PLSCR5: variants seen among roughly 807,000 people sequenced by gnomAD.
PLSCR5 encodes phospholipid scramblase family, member 5.
PLSCR5 carries 44 observed loss-of-function variants against 33.6 expected under a neutral mutation model. The ratio of observed to expected loss-of-function variants is 1.31; its 90% CI spans 1.03 to 1.69. The LOEUF is 1.69. Ranked by LOEUF, PLSCR5 falls within the 40% of genes most tolerant of loss-of-function variation. The pLI is 0.00. For missense variants in PLSCR5, 375 were observed against 318.7 expected (o/e 1.18, Z -1.34); for synonymous variants, 148 against 112.3 (o/e 1.32, Z -2.01).
chr3:146,592,674 T>G (rs894881064), intron 4 of PLSCR5, among the ~76,000 whole-genome samples: 2 of 152,136 alleles, frequency 1.3e-5, no homozygotes, highest in African/African-American at 4.8e-5. Flanking sequence ...TAAAAGTGAT[T>G]TCAACTAGAC....
chr3:146,601,233 T>TCCC (rs2044812402), intron 1 of PLSCR5, among the ~76,000 whole-genome samples: 2 of 151,990 alleles, frequency 1.3e-5, no homozygotes, highest in African/African-American at 4.8e-5. Context: ...CTGTGTAATT[T>TCCC]TATGTATAAC....
chr3:146,586,399 A>C (rs1051454346), intron 6 of PLSCR5, among the ~76,000 whole-genome samples: 1 of 152,190 alleles, frequency 6.6e-6, no homozygotes, highest in Non-Finnish European at 1.5e-5. Context: ...AAAATTTAAA[A>C]ATTTTAAGCT....
chr3:146,591,734 C>A lies in PLSCR5; in HGVS notation c.601G>T (p.Asp201Tyr). ...GPCVTCGCFG[D>Y]VDFEVKTINE... The stretch of plus-strand genomic sequence containing the variant: ...GTCAATTGTACCTCAAAATCCACAT[C>A]GCCAAAACAGCCACATGTCACACAA... The change falls in exon 5 of 8, where the codon GAT becomes TAT. Residue 201 changes from aspartate to tyrosine, a missense_variant. Transcript: ENST00000443512. 6.2e-7 allele frequency: 1 copy of A among 1,609,896 alleles called. No individual in the cohort carries two copies.
intron 6 of PLSCR5, among the ~76,000 whole-genome samples, chr3:146,588,074 A>T (rs2044679592): frequency 1.3e-5 from 2 of 152,152 alleles, no homozygotes; most frequent in Admixed American, 6.5e-5. Flanking sequence ...TTTAAGCTTT[A>T]TAAAAATTTC....
downstream of PLSCR5, among the ~76,000 whole-genome samples, chr3:146,583,487 G>A (rs1465243397): frequency 6.6e-6 from 1 of 152,132 alleles, no homozygotes; most frequent in East Asian, 1.9e-4. Context: ...ATCAGTCCTG[G>A]TCTAGAGCTG....
downstream of PLSCR5, chr3:146,585,803 C>T (rs1442899801): frequency 1.6e-5 from 4 of 245,674 alleles, no homozygotes; most frequent in Non-Finnish European, 1.5e-5. Flanking sequence ...CCAGTAATCA[C>T]GTATTTAGCT....
intron 4 of PLSCR5, 80 bp from the exon 5 acceptor site, chr3:146,591,961 A>G: frequency 8.5e-7 from 1 of 1,182,682 alleles, no homozygotes; most frequent in Non-Finnish European, 1.2e-6. Context: ...ATTTACCTGT[A>G]AACAATATAC....
At chr3:146,600,651 G>A (rs979460907) in intron 1 of PLSCR5, among the ~76,000 whole-genome samples, 188 bp from the exon 2 acceptor site, 4 of 151,778 alleles carry the variant, frequency 2.6e-5, no homozygotes, top group South Asian at 4.2e-4. Context: ...AAAACGAAAC[G>A]CAGAAGACTG....
rs1419461725 is a variant in PLSCR5, at chr3:146,594,143, A to T, written c.233-3T>A. ...GGAGGTCTCAGTACCAAGTATCACT[A>T]ATGGAACAAAAAAAAAATTATAAAA... On this transcript the variant is annotated splice_polypyrimidine_tract_variant and splice_region_variant and intron_variant, in intron 3 of 7. Coordinates refer to ENST00000443512, the MANE Select transcript of PLSCR5 (RefSeq NM_001085420.2). The T allele has an allele frequency of 1.3e-6, 2 of 1,582,338 alleles. No individual in the cohort carries two copies. Among genetic ancestry groups the T allele is most frequent in the African/African-American group, 2.9e-5 (2 of 68,476 alleles).
downstream of PLSCR5, among the ~76,000 whole-genome samples, chr3:146,584,719 T>C (rs138367689): frequency 6.3e-3 from 962 of 152,224 alleles, 7 homozygotes; most frequent in African/African-American, 0.022. Context: ...ATTTTTATGT[T>C]ATACAGCATA....
chr3:146,596,594 ATT>A (rs2044763545), intron 2 of PLSCR5, among the ~76,000 whole-genome samples: 1 of 152,108 alleles, frequency 6.6e-6, no homozygotes, highest in South Asian at 2.1e-4. Flanking sequence ...CTAACGCTTC[ATT>A]TTTCCTTTCA....
chr3:146,601,874 A>T (rs964403667), intron 1 of PLSCR5, among the ~76,000 whole-genome samples: 1 of 152,064 alleles, frequency 6.6e-6, no homozygotes. Flanking sequence ...AAGAAAACTC[A>T]AGCATATTCT....
chr3:146,589,371 G>A (rs1005597702), intron 6 of PLSCR5, among the ~76,000 whole-genome samples: 2 of 152,010 alleles, frequency 1.3e-5, no homozygotes, highest in African/African-American at 2.4e-5. Flanking sequence ...TAAATTGAAC[G>A]TAAAAGCAAG....
At chr3:146,600,776 A>C (rs2044807160) in intron 1 of PLSCR5, among the ~76,000 whole-genome samples, 1 of 149,792 alleles carries the variant, frequency 6.7e-6, no homozygotes, top group African/African-American at 2.4e-5. Flanking sequence ...ATATATACTT[A>C]CTGCATATAT....
chr3:146,593,312 A>T (rs1320897178), intron 4 of PLSCR5, among the ~76,000 whole-genome samples: 1 of 152,184 alleles, frequency 6.6e-6, no homozygotes, highest in Non-Finnish European at 1.5e-5. Flanking sequence ...AAGCCAGTAA[A>T]GTAAGTAAAA....
intron 7 of PLSCR5, among the ~76,000 whole-genome samples, chr3:146,579,975 C>T (rs957373379): frequency 2.0e-5 from 3 of 152,208 alleles, no homozygotes; most frequent in African/African-American, 7.2e-5. Flanking sequence ...GGAATGTTCT[C>T]CCAGCCAAAC....
Position 146,589,668 on chromosome 3 carries a change from A to T in PLSCR5, c.762T>A (p.Gly254=), listed in dbSNP as rs919261359. The change falls in exon 6 of 8, where the codon GGT becomes GGA. Residue 254 remains glycine (G), a synonymous_variant. Transcript: ENST00000443512. ...CCATACTTACAAAGAGAAAACAGGC[A>T]CCGATCATTGCTGCTTTGACTGTTA... ...LDVTVKAAMI[G]ACFLFDFMFF... The T allele has an allele frequency of 1.3e-6, 2 of 1,589,290 alleles. No homozygotes were observed.
intron 4 of PLSCR5, 53 bp downstream of exon 4, chr3:146,593,867 A>G: frequency 1.3e-6 from 2 of 1,532,000 alleles, no homozygotes; most frequent in Admixed American, 3.4e-5. Flanking sequence ...CCTTTTAAAG[A>G]AACAAATGCT....
intron 2 of PLSCR5, among the ~76,000 whole-genome samples, chr3:146,598,187 C>T (rs1490981263): frequency 3.3e-5 from 5 of 152,076 alleles, no homozygotes; most frequent in East Asian, 1.9e-4. Context: ...AAATTTAGAA[C>T]ATATTAATTG....
Sources: allele counts gnomAD v4.1 joint callset (sites outside exome capture counted in the v4.1 genomes callset), GRCh38; gene constraint gnomAD v4.1.1; transcripts MANE v1.5; gene names NCBI Gene and HGNC (gene_info 2026-07-23, HGNC 2026-07-21).